RIGI: variants seen among roughly 807,000 people sequenced by gnomAD.
The protein encoded by RIGI is RNA sensor RIG-I.
the RIGI span, among the ~76,000 whole-genome samples, chr9:32,498,660 A>G: frequency 1.3e-5 from 2 of 152,178 alleles, no homozygotes; most frequent in Admixed American, 1.3e-4. Flanking sequence ...GAAAAGGAAC[A>G]TATGTGAACC....
At chr9:32,504,742 A>G in the RIGI span, among the ~76,000 whole-genome samples, 22 of 139,990 alleles carry the variant, frequency 1.6e-4, no homozygotes, top group African/African-American at 6.0e-4. Context: ...AATATATTTA[A>G]TACATAAAAT....
chr9:32,499,304 A>C, the RIGI span, among the ~76,000 whole-genome samples: 1 of 97,610 alleles, frequency 1.0e-5, no homozygotes, highest in Non-Finnish European at 2.1e-5. Context: ...CTTCTCCCAG[A>C]GTTTGTGATT....
the RIGI span, among the ~76,000 whole-genome samples, chr9:32,504,213 G>T: frequency 1.3e-5 from 2 of 152,110 alleles, no homozygotes; most frequent in African/African-American, 4.8e-5. Context: ...CACAATATCT[G>T]ATTGCAGAGA....
the RIGI span, among the ~76,000 whole-genome samples, chr9:32,514,756 C>G: frequency 1.3e-5 from 2 of 152,150 alleles, no homozygotes; most frequent in African/African-American, 4.8e-5. Flanking sequence ...ATTGCACTTA[C>G]CTTTGTGGAC....
the RIGI span, among the ~76,000 whole-genome samples, chr9:32,499,028 T>C: frequency 1.3e-5 from 2 of 151,778 alleles, no homozygotes; most frequent in Admixed American, 1.3e-4. Flanking sequence ...ATATCTTCTT[T>C]AAGCCTTAGC....
At chr9:32,457,179 C>T in the RIGI span, 1 of 1,613,810 alleles carries the variant, frequency 6.2e-7, no homozygotes, top group Non-Finnish European at 8.5e-7. Flanking sequence ...AGTCCTTCCA[C>T]TTCGAGTACA....
chr9:32,459,548 G>C, the RIGI span: 1 of 1,594,150 alleles, frequency 6.3e-7, no homozygotes, highest in Non-Finnish European at 8.5e-7. Context: ...AATGTAATTT[G>C]AGTACAACAT....
chr9:32,459,227 T>TC, the RIGI span: 1 of 1,044,156 alleles, frequency 9.6e-7, no homozygotes, highest in Non-Finnish European at 1.4e-6. Context: ...TATTTTTTTT[T>TC]CACTTCTTAG....
At chr9:32,488,683 T>C in the RIGI span, 94,578 of 1,467,870 alleles carry the variant, frequency 0.064, 3,714 homozygotes, top group Admixed American at 0.15. Context: ...AGAAAACACA[T>C]CAATTACATG....
chr9:32,501,577 A>G, the RIGI span, among the ~76,000 whole-genome samples: 1 of 152,146 alleles, frequency 6.6e-6, no homozygotes, highest in Non-Finnish European at 1.5e-5. Context: ...AAAATTATCT[A>G]CCAACCTGCT....
chr9:32,488,980 G>A, the RIGI span: 14 of 972,556 alleles, frequency 1.4e-5, no homozygotes, highest in Admixed American at 6.6e-5. Flanking sequence ...TAATACCACT[G>A]AGCTGACTAA....
At chr9:32,500,919 C>A in the RIGI span, 2 of 1,614,028 alleles carry the variant, frequency 1.2e-6, no homozygotes, top group Admixed American at 1.7e-5. Flanking sequence ...TTTTTCTCAG[C>A]CTGAATATAC....
At chr9:32,457,493 A>AAGAAAG in the RIGI span, 2 of 1,160,428 alleles carry the variant, frequency 1.7e-6, no homozygotes, top group Non-Finnish European at 2.3e-6. Context: ...TAAAAAAAAA[A>AAGAAAG]AAAAGAAAAC....
the RIGI span, chr9:32,477,122 TGCA>T: frequency 6.2e-7 from 1 of 1,613,056 alleles, no homozygotes; most frequent in Non-Finnish European, 8.5e-7. Flanking sequence ...TTCTAGTTCC[TGCA>T]GCTTTTCTGC....
At chr9:32,512,789 G>T in the RIGI span, among the ~76,000 whole-genome samples, 85,089 of 151,806 alleles carry the variant, frequency 0.56, 24,359 homozygotes, top group Middle Eastern at 0.68. Flanking sequence ...TGTCCCTGTT[G>T]GCAGATGACA....
chr9:32,456,117 G>C, the RIGI span: 3 of 152,180 alleles, frequency 2.0e-5, no homozygotes, highest in Admixed American at 1.3e-4. Flanking sequence ...AGGACAGTCA[G>C]ACTGCCTCAT....
At chr9:32,507,968 G>A in the RIGI span, among the ~76,000 whole-genome samples, 1 of 151,994 alleles carries the variant, frequency 6.6e-6, no homozygotes, top group Admixed American at 6.6e-5. Context: ...GTGTTATCTT[G>A]TTTATATTTC....
the RIGI span, among the ~76,000 whole-genome samples, chr9:32,522,728 T>C: frequency 3.3e-5 from 5 of 152,140 alleles, no homozygotes; most frequent in African/African-American, 1.2e-4. Context: ...TCACCCATAG[T>C]ATGGAACTGC....
At chr9:32,466,342 T>C in the RIGI span, 5 of 1,613,998 alleles carry the variant, frequency 3.1e-6, no homozygotes, top group Admixed American at 8.3e-5. Context: ...AATAGAGTCA[T>C]TCATCATTTT....
Sources: allele counts gnomAD v4.1 joint callset (sites outside exome capture counted in the v4.1 genomes callset), GRCh38; gene constraint gnomAD v4.1.1; transcripts MANE v1.5; gene names NCBI Gene and HGNC (gene_info 2026-07-23, HGNC 2026-07-21).